The following SKIC3 variants were observed in gnomAD, a reference collection of about 807,000 sequenced individuals.
The protein encoded by SKIC3 is SKI3 subunit of superkiller complex, also known as superkiller complex protein 3.
the SKIC3 span, among the ~76,000 whole-genome samples, chr5:95,503,191 T>C: frequency 6.6e-6 from 1 of 152,212 alleles, no homozygotes; most frequent in African/African-American, 2.4e-5. Context: ...TCCAAGGTGA[T>C]TCTGAAGTAT....
the SKIC3 span, chr5:95,522,138 G>C: frequency 3.7e-6 from 6 of 1,613,794 alleles, no homozygotes; most frequent in Non-Finnish European, 5.1e-6. Flanking sequence ...CCTAGGATTT[G>C]CTGTATTGCT....
chr5:95,482,194 T>C, the SKIC3 span, among the ~76,000 whole-genome samples: 1 of 152,206 alleles, frequency 6.6e-6, no homozygotes, highest in Admixed American at 6.5e-5. Context: ...GTCTATAACA[T>C]ATCAACCCAT....
At chr5:95,496,259 C>T in the SKIC3 span, among the ~76,000 whole-genome samples, 210 of 148,252 alleles carry the variant, frequency 1.4e-3, 1 homozygote, top group African/African-American at 5.0e-3. Context: ...CTCAGGTAAT[C>T]CCCCCTCCTT....
chr5:95,479,247 A>G, the SKIC3 span, among the ~76,000 whole-genome samples: 2 of 152,326 alleles, frequency 1.3e-5, no homozygotes, highest in South Asian at 4.1e-4. Context: ...ACCTAGAAAT[A>G]AATTTAACAC....
At chr5:95,525,506 A>C in the SKIC3 span, 2 of 1,613,946 alleles carry the variant, frequency 1.2e-6, no homozygotes, top group Non-Finnish European at 1.7e-6. Flanking sequence ...CATAATCTAT[A>C]AAGTAGACAC....
chr5:95,495,085 T>C, the SKIC3 span: 1 of 1,486,192 alleles, frequency 6.7e-7, no homozygotes, highest in South Asian at 1.1e-5. Context: ...AAATTAAGAT[T>C]GATAAGACCT....
chr5:95,478,970 T>A, the SKIC3 span, among the ~76,000 whole-genome samples: 1 of 152,128 alleles, frequency 6.6e-6, no homozygotes, highest in Non-Finnish European at 1.5e-5. Context: ...GAATGTTTAC[T>A]TATCACCACT....
At chr5:95,470,831 T>C in the SKIC3 span, among the ~76,000 whole-genome samples, 1 of 152,082 alleles carries the variant, frequency 6.6e-6, no homozygotes, top group Non-Finnish European at 1.5e-5. Context: ...TAAGTATTTC[T>C]GAAGAAACAG....
At chr5:95,496,362 C>T in the SKIC3 span, among the ~76,000 whole-genome samples, 839 of 152,112 alleles carry the variant, frequency 5.5e-3, 6 homozygotes, top group Non-Finnish European at 9.0e-3. Context: ...GATGTATGGG[C>T]TAGTAGGACA....
chr5:95,494,467 CT>C, the SKIC3 span, among the ~76,000 whole-genome samples: 1 of 152,070 alleles, frequency 6.6e-6, no homozygotes, highest in Non-Finnish European at 1.5e-5. Context: ...AAAGTCCTTT[CT>C]GATAGCATTA....
At chr5:95,496,818 T>C in the SKIC3 span, among the ~76,000 whole-genome samples, 6 of 152,188 alleles carry the variant, frequency 3.9e-5, no homozygotes, top group Admixed American at 3.3e-4. Context: ...TGGCAAGTGT[T>C]CAAAACATTA....
the SKIC3 span, among the ~76,000 whole-genome samples, chr5:95,505,403 G>A: frequency 4.6e-5 from 7 of 152,314 alleles, no homozygotes; most frequent in East Asian, 9.6e-4. Context: ...TATATTAAAA[G>A]TATTTCTTTA....
chr5:95,547,171 G>A, the SKIC3 span: 1 of 1,608,066 alleles, frequency 6.2e-7, no homozygotes, highest in South Asian at 1.1e-5. Context: ...CAGAAAGCCT[G>A]AGTAAATCTA....
At chr5:95,531,913 C>T in the SKIC3 span, among the ~76,000 whole-genome samples, 1,602 of 152,138 alleles carry the variant, frequency 0.011, 32 homozygotes, top group African/African-American at 0.036. Context: ...TTGTGACGAT[C>T]CTTTAAAAAT....
the SKIC3 span, chr5:95,507,124 C>T: frequency 3.2e-6 from 3 of 937,052 alleles, no homozygotes; most frequent in South Asian, 4.2e-5. Context: ...TTCTTTGGTG[C>T]TAGTTACAAT....
the SKIC3 span, among the ~76,000 whole-genome samples, chr5:95,539,536 G>A: frequency 1.3e-5 from 2 of 152,038 alleles, no homozygotes; most frequent in Non-Finnish European, 1.5e-5. Flanking sequence ...AAAACAGTGC[G>A]GAGACTCCTT....
chr5:95,543,377 T>A, the SKIC3 span: 1 of 1,587,758 alleles, frequency 6.3e-7, no homozygotes, highest in Non-Finnish European at 8.6e-7. Context: ...TCGAAGCAAA[T>A]GAACTAACAA....
chr5:95,483,207 C>G, the SKIC3 span, among the ~76,000 whole-genome samples: 1 of 152,002 alleles, frequency 6.6e-6, no homozygotes, highest in Non-Finnish European at 1.5e-5. Flanking sequence ...ATTGTATATA[C>G]TTATATTCTC....
chr5:95,525,504 A>G, the SKIC3 span: 1 of 1,613,860 alleles, frequency 6.2e-7, no homozygotes, highest in Non-Finnish European at 8.5e-7. Context: ...TCCATAATCT[A>G]TAAAGTAGAC....
Sources: allele counts gnomAD v4.1 joint callset (sites outside exome capture counted in the v4.1 genomes callset), GRCh38; gene constraint gnomAD v4.1.1; transcripts MANE v1.5; gene names NCBI Gene and HGNC (gene_info 2026-07-23, HGNC 2026-07-21).